The following ACOT1 variants were observed in gnomAD, a reference collection of about 807,000 sequenced individuals.
ACOT1 encodes the protein acyl-coenzyme A thioesterase 1.
ACOT1 carries 8 observed loss-of-function variants against 15.7 expected under a neutral mutation model. The observed-to-expected ratio is 0.51, with a 90% CI of 0.30 to 0.92. The LOEUF (loss-of-function observed/expected upper bound fraction) is 0.92, where lower values mean the gene tolerates loss of function less well. Among genes scored for constraint, ACOT1 ranks in the 40% least tolerant of loss-of-function variants. ACOT1 has a pLI of 0.06. For missense variants in ACOT1, 151 were observed against 539.4 expected, an observed-to-expected ratio of 0.28 and a Z score of 7.13; for synonymous variants, 67 against 241.2, an observed-to-expected ratio of 0.28 and a Z score of 6.69.
chr14:73,491,919 C>T, the ACOT1 span: 1 of 1,613,306 alleles, frequency 6.2e-7, no homozygotes, highest in Non-Finnish European at 8.5e-7. Context: ...CTCCTCTGTC[C>T]GCAGGCTTTC....
chr14:73,491,008 T>C, the ACOT1 span: 58 of 1,416,080 alleles, frequency 4.1e-5, no homozygotes, highest in Admixed American at 1.6e-3. Context: ...AAGACTGGTG[T>C]GGTCTGGCCA....
chr14:73,511,552 T>C, the ACOT1 span, among the ~76,000 whole-genome samples: 1 of 128,806 alleles, frequency 7.8e-6, no homozygotes, highest in Non-Finnish European at 1.7e-5. Context: ...AATAAATAAA[T>C]AAATAAATAA....
the ACOT1 span, chr14:73,512,282 G>T: frequency 2.1e-6 from 2 of 961,670 alleles, no homozygotes; most frequent in South Asian, 3.5e-5. Context: ...AGAATAAAGG[G>T]CCCAGAGATG....
At chr14:73,501,092 T>A in the ACOT1 span, among the ~76,000 whole-genome samples, 1 of 151,946 alleles carries the variant, frequency 6.6e-6, no homozygotes, top group East Asian at 1.9e-4. Flanking sequence ...TGCAGTCTTT[T>A]TGTTTGTTTG....
chr14:73,541,492 G>A lies in ACOT1; in HGVS notation c.458-1G>A. 8.0e-7 allele frequency: 1 copy of A among 1,244,580 alleles called. No homozygotes were observed. Among genetic ancestry groups the A allele is most frequent in the Non-Finnish European group, 1.1e-6 (1 of 936,348 alleles). The allele number at this position is 1,244,580 out of a possible 1,614,324, so 77.1% of individuals were successfully genotyped here. On this transcript the variant is annotated splice_acceptor_variant, in intron 1 of 2. Transcript: ENST00000311148. LOFTEE classifies it high-confidence loss of function. ...TGCATTTTGTTTTGTTTCTTCCCAA[G>A]AACCTGGGCCCTTTCCTGGCATTGT...
the ACOT1 span, among the ~76,000 whole-genome samples, chr14:73,511,271 G>T: frequency 6.6e-6 from 1 of 152,020 alleles, no homozygotes; most frequent in African/African-American, 2.4e-5. Flanking sequence ...CCAGCACTTT[G>T]GGAGGCTGAG....
At chr14:73,505,811 A>G in the ACOT1 span, among the ~76,000 whole-genome samples, 1,291 of 151,112 alleles carry the variant, frequency 8.5e-3, 15 homozygotes, top group African/African-American at 0.029. Flanking sequence ...TGAAGAACCA[A>G]TTTTGGCGGG....
At chr14:73,512,157 G>T in the ACOT1 span, 1 of 1,613,892 alleles carries the variant, frequency 6.2e-7, no homozygotes, top group Non-Finnish European at 8.5e-7. Flanking sequence ...TGACTGAGCC[G>T]CAGTGAGGGA....
the ACOT1 span, chr14:73,511,991 A>G: frequency 6.2e-7 from 1 of 1,613,788 alleles, no homozygotes; most frequent in Non-Finnish European, 8.5e-7. Context: ...CAAGCAGTTC[A>G]GCTTTGGCTC....
chr14:73,491,911 C>T, the ACOT1 span: 1 of 1,612,998 alleles, frequency 6.2e-7, no homozygotes. Context: ...CCCTGCGTCT[C>T]CTCTGTCCGC....
the ACOT1 span, among the ~76,000 whole-genome samples, chr14:73,510,939 C>A: frequency 6.6e-6 from 1 of 152,164 alleles, no homozygotes; most frequent in African/African-American, 2.4e-5. Flanking sequence ...CTATGGTGTC[C>A]CTATCAAGTA....
chr14:73,533,778 C>T (rs1447069845), upstream of ACOT1, among the ~76,000 whole-genome samples: 2 of 108,722 alleles, frequency 1.8e-5, no homozygotes, highest in Non-Finnish European at 3.9e-5. Flanking sequence ...CTTGTTCCAG[C>T]AGCTCATGCG....
chr14:73,523,509 A>G, the ACOT1 span, among the ~76,000 whole-genome samples: 1 of 152,168 alleles, frequency 6.6e-6, no homozygotes, highest in Non-Finnish European at 1.5e-5. Context: ...TTGTCTTTAA[A>G]TGTTGCTTTC....
At chr14:73,493,150 T>A in the ACOT1 span, 1 of 1,603,168 alleles carries the variant, frequency 6.2e-7, no homozygotes. Flanking sequence ...AAAGGAGAAG[T>A]TGGAGGTGGA....
At chr14:73,531,385 G>A in the ACOT1 span, among the ~76,000 whole-genome samples, 1 of 109,164 alleles carries the variant, frequency 9.2e-6, no homozygotes, top group Non-Finnish European at 2.0e-5. Context: ...CTTATTTATT[G>A]ATTATTTATT....
the ACOT1 span, among the ~76,000 whole-genome samples, chr14:73,494,854 C>CCCAACCA: frequency 7.2e-4 from 110 of 152,268 alleles, no homozygotes; most frequent in Middle Eastern, 3.4e-3. Flanking sequence ...CGCCACCACG[C>CCCAACCA]CCAACCACCA....
the ACOT1 span, chr14:73,491,638 G>C: frequency 9.7e-6 from 15 of 1,550,022 alleles, no homozygotes; most frequent in Non-Finnish European, 1.2e-5. Context: ...GCCTCTTTGA[G>C]TGGCTCATCG....
At chr14:73,502,467 G>A in the ACOT1 span, among the ~76,000 whole-genome samples, 1 of 152,026 alleles carries the variant, frequency 6.6e-6, no homozygotes, top group Non-Finnish European at 1.5e-5. Context: ...TGTAGGGACT[G>A]TTAATTTTTT....
the ACOT1 span, among the ~76,000 whole-genome samples, chr14:73,504,575 C>T: frequency 2.6e-5 from 4 of 152,086 alleles, no homozygotes; most frequent in South Asian, 6.2e-4. Flanking sequence ...TCCTAGGTGA[C>T]GCCTGTGCTG....
Sources: allele counts gnomAD v4.1 joint callset (sites outside exome capture counted in the v4.1 genomes callset), GRCh38; gene constraint gnomAD v4.1.1; transcripts MANE v1.5; gene names NCBI Gene and HGNC (gene_info 2026-07-23, HGNC 2026-07-21).